TFEC: variants seen among roughly 807,000 people sequenced by gnomAD.
TFEC encodes the protein class E basic helix-loop-helix protein 34.
TFEC carries 31 observed loss-of-function variants against 41.6 expected under a neutral mutation model. The ratio of observed to expected loss-of-function variants is 0.74; its 90% confidence interval spans 0.56 to 1.01. The LOEUF (loss-of-function observed/expected upper bound fraction) is 1.01. TFEC is among the 50% of genes least tolerant of loss of function. The pLI, the probability that TFEC is intolerant of heterozygous loss-of-function variation, is 0.00. For missense variants in TFEC, 402 were observed against 404.1 expected (o/e 0.99, Z 0.04); for synonymous variants, 143 against 140.6 (o/e 1.02, Z -0.12).
At chr7:115,992,959 A>C (rs1366956220) in intron 1 of TFEC, among the ~76,000 whole-genome samples, 1 of 152,222 alleles carries the variant, frequency 6.6e-6, no homozygotes, top group Non-Finnish European at 1.5e-5. Flanking sequence ...TCCTCAGTAA[A>C]ATACTGGCAA....
At chr7:115,970,389 A>G (rs1173157839) in intron 3 of TFEC, among the ~76,000 whole-genome samples, 1 of 151,946 alleles carries the variant, frequency 6.6e-6, no homozygotes, top group Non-Finnish European at 1.5e-5. Flanking sequence ...TGAGGACAAA[A>G]GCCCTATTGG....
At chr7:116,066,206 G>C (rs1237390621) in intron 3 of TFEC, among the ~76,000 whole-genome samples, 2 of 152,020 alleles carry the variant, frequency 1.3e-5, no homozygotes, top group Non-Finnish European at 2.9e-5. Context: ...GAATGACTTA[G>C]CCAACTCCCC....
intron 3 of TFEC, among the ~76,000 whole-genome samples, chr7:116,074,414 A>G (rs780065425): frequency 3.3e-5 from 5 of 152,114 alleles, no homozygotes; most frequent in Non-Finnish European, 7.4e-5. Flanking sequence ...CTTATTTAAA[A>G]AGATAAAAGA....
intron 3 of TFEC, among the ~76,000 whole-genome samples, chr7:116,070,454 G>A (rs1024914749): frequency 1.3e-5 from 2 of 151,180 alleles, no homozygotes; most frequent in Non-Finnish European, 3.0e-5. Context: ...TACCTCAAAC[G>A]ACCTAATACA....
rs139619284 is a variant in TFEC at position 116,124,081 on chromosome 7, G to T, written c.-68-12043C>A. On this transcript the variant is annotated intron_variant, in intron 1 of 8. Transcript: ENST00000484212. ...TTGCTGGAACTATATTCCATGAGTG[G>T]AAAAAGATTAATTTTATCCACCTTT... 1.8e-4 allele frequency among the ~76,000 whole-genome samples: 27 copies of T among 152,126 alleles called. 2 individuals are homozygous for T. In the East Asian group the frequency reaches 5.2e-3, roughly 29 times the overall value.
chr7:116,010,564 C>T (rs1355437928), intron 1 of TFEC, among the ~76,000 whole-genome samples: 2 of 152,060 alleles, frequency 1.3e-5, no homozygotes, highest in South Asian at 2.1e-4. Flanking sequence ...GGTAGCTAGA[C>T]GTATGTCTGG....
intron 3 of TFEC, among the ~76,000 whole-genome samples, chr7:116,071,475 A>T (rs1329767677): frequency 6.6e-6 from 1 of 151,368 alleles, no homozygotes; most frequent in Non-Finnish European, 1.5e-5. Flanking sequence ...AGGTATTTTT[A>T]AGGAATAACA....
intron 3 of TFEC, among the ~76,000 whole-genome samples, chr7:116,107,505 T>G (rs193241270): frequency 1.4e-4 from 21 of 152,308 alleles, no homozygotes; most frequent in African/African-American, 4.6e-4. Flanking sequence ...TACTGTTTGC[T>G]GCAAGGAGGA....
chr7:116,035,220 G>C (rs1795882516), upstream of TFEC, among the ~76,000 whole-genome samples: 1 of 151,730 alleles, frequency 6.6e-6, no homozygotes, highest in Non-Finnish European at 1.5e-5. Flanking sequence ...AAATTCTCTA[G>C]GATCACTCAT....
chr7:115,948,322 G>A (rs1361505043), intron 6 of TFEC, among the ~76,000 whole-genome samples: 1 of 151,848 alleles, frequency 6.6e-6, no homozygotes, highest in Non-Finnish European at 1.5e-5. Context: ...AATAGAAAAA[G>A]AGGGAATCCT....
intron 1 of TFEC, among the ~76,000 whole-genome samples, chr7:116,021,919 A>C (rs372917313): frequency 9.2e-5 from 14 of 152,208 alleles, no homozygotes; most frequent in African/African-American, 3.1e-4. Context: ...GAAACAAGTC[A>C]AGAAAGTTGT....
chr7:115,968,315 G>T, intron 3 of TFEC: 1 of 1,490,290 alleles, frequency 6.7e-7, no homozygotes, highest in Non-Finnish European at 8.9e-7. Flanking sequence ...ACACTAAAGT[G>T]AACTTTGGTT....
intron 1 of TFEC, among the ~76,000 whole-genome samples, chr7:116,152,297 G>A (rs1359248938): frequency 6.6e-6 from 1 of 152,158 alleles, no homozygotes; most frequent in Non-Finnish European, 1.5e-5. Flanking sequence ...AAATAAACTA[G>A]GGAATAAACC....
chr7:116,006,985 G>C (rs574436270), intron 1 of TFEC, among the ~76,000 whole-genome samples: 15 of 152,226 alleles, frequency 9.9e-5, no homozygotes, highest in Admixed American at 7.2e-4. Context: ...TGATTGTGAG[G>C]CCTCCCCAGC....
In TFEC at chr7:115,941,900, C is replaced by T. The variant is rs766745080; in HGVS notation, c.656G>A (p.Arg219Gln). The T allele has an allele frequency of 9.9e-6, 16 of 1,612,902 alleles. No individual in the cohort carries two copies. Among genetic ancestry groups the T allele is most frequent in the Middle Eastern group, 1.7e-4 (1 of 6,052 alleles). Reference protein sequence around the residue: ...LEQANRRLLLRIQELEIQART... With the variant: ...LEQANRRLLLQIQELEIQART... ...CTACATTCTTATAAAAACCTGAATCCGAAGTAGAAGTCGCCTGTTAGCCTG... is the reference window on the plus strand; with the variant it reads ...CTACATTCTTATAAAAACCTGAATCTGAAGTAGAAGTCGCCTGTTAGCCTG... The change falls in exon 7 of 8, where the codon CGG (arginine) becomes CAG (glutamine). Residue 219 changes from arginine (R) to glutamine (Q), a missense_variant. By Grantham distance (43) the Arg-to-Gln change is conservative (BLOSUM62 1). Coordinates refer to ENST00000265440, the MANE Select transcript of TFEC (RefSeq NM_012252.4).
At chr7:116,123,912 T>C (rs1015152515) in intron 1 of TFEC, among the ~76,000 whole-genome samples, 3 of 152,070 alleles carry the variant, frequency 2.0e-5, no homozygotes, top group Admixed American at 2.0e-4. Flanking sequence ...AATCTTAGCA[T>C]GATATTAAAC....
rs1395252454 is a variant in TFEC at position 116,055,338 on chromosome 7, T to C, written c.198+55370A>G. The stretch of plus-strand genomic sequence containing the variant: ...AAAGATCTGTCATTTAAATATGGCT[T>C]CTTTCCTTTTCAAAATGCTATTACT... On this transcript the variant is annotated intron_variant, in intron 3 of 8. Coordinates refer to the TFEC transcript ENST00000484212. Among the ~76,000 whole-genome samples the C allele has an allele frequency of 2.6e-5, 4 of 152,130 alleles. No individual in the cohort carries two copies. The East Asian group carries it at 7.7e-4, about 29-fold the overall frequency.
intron 3 of TFEC, among the ~76,000 whole-genome samples, chr7:116,064,723 G>T (rs950373445): frequency 5.3e-5 from 8 of 151,990 alleles, no homozygotes; most frequent in Admixed American, 3.3e-4. Context: ...TTAAAAAAAA[G>T]AGAAGCAGCT....
At chr7:115,967,719 G>T (rs189061760) in intron 3 of TFEC, among the ~76,000 whole-genome samples, 2 of 151,696 alleles carry the variant, frequency 1.3e-5, no homozygotes, top group Non-Finnish European at 2.9e-5. Flanking sequence ...TTGGTGAGCT[G>T]GTTTATAATA....
Sources: allele counts gnomAD v4.1 joint callset (sites outside exome capture counted in the v4.1 genomes callset), GRCh38; gene constraint gnomAD v4.1.1; transcripts MANE v1.5; gene names NCBI Gene and HGNC (gene_info 2026-07-23, HGNC 2026-07-21).